Variants in ANKS1A observed in about 807,000 individuals in gnomAD.
ANKS1A encodes the protein ankyrin repeat and SAM domain-containing protein 1A.
Under a neutral mutation model 120.3 loss-of-function variants are expected in ANKS1A, and 55 were observed. The ratio of observed to expected loss-of-function variants is 0.46; its 90% CI spans 0.37 to 0.57. The LOEUF (loss-of-function observed/expected upper bound fraction) is 0.57. ANKS1A is among the 20% of genes least tolerant of loss of function. ANKS1A has a pLI of 0.00. For missense variants in ANKS1A, 1,123 were observed against 1,480.3 expected, an observed-to-expected ratio of 0.76 and a Z score of 3.96; for synonymous variants, 590 against 604.7, an observed-to-expected ratio of 0.98 and a Z score of 0.36.
At position 35,090,254 on chromosome 6, in the gene ANKS1A, C is replaced by T. The variant is rs568283692; in HGVS notation, c.*1645C>T. 140 of 1,289,714 alleles carry T rather than the reference C, an allele frequency of 1.1e-4. No individual in the cohort carries two copies. The African/African-American group carries it at 1.7e-3, about 16-fold the overall frequency. 79.9% of individuals were successfully genotyped at this position (1,289,714 alleles called of 1,614,324 possible). Reference sequence around the variant, plus strand: ...GCCTGTGAGGATGCCCATGAGCTACCGCTGTACAGTTCTCGGCCCCGGCTT... The same window carrying T: ...GCCTGTGAGGATGCCCATGAGCTACTGCTGTACAGTTCTCGGCCCCGGCTT... On this transcript the variant is annotated 3_prime_UTR_variant, in exon 24 of 24. Coordinates refer to ENST00000360359, the MANE Select transcript of ANKS1A (RefSeq NM_015245.3).
intron 1 of ANKS1A, among the ~76,000 whole-genome samples, chr6:34,933,904 A>G (rs545831781): frequency 6.6e-6 from 1 of 152,210 alleles, no homozygotes; most frequent in South Asian, 2.1e-4. Context: ...ACGGCAGTCA[A>G]TAGCTGATAT....
Position 35,082,936 on chromosome 6 carries a change from C to T in ANKS1A, c.2835+120C>T, listed in dbSNP as rs61503262. On this transcript the variant is annotated intron_variant, in intron 18 of 23. Coordinates refer to ENST00000360359, the MANE Select transcript of ANKS1A (RefSeq NM_015245.3). The surrounding 1 kb of genome is among the most constrained non-coding windows in gnomAD (Gnocchi z 4.1). ...AGGCCCAGGGCTTTTGAGCTGTTCT[C>T]CACTCTCAGCCACTCTTGACAGCTA... 7.2e-4 allele frequency: 1,046 copies of T among 1,453,818 alleles called. 8 individuals carry two copies. The African/African-American group carries it at 0.013, about 19-fold the overall frequency. 90.1% of individuals were successfully genotyped at this position (1,453,818 alleles called of 1,614,324 possible).
chr6:34,976,295 C>T (rs147837549), intron 3 of ANKS1A, among the ~76,000 whole-genome samples: 87 of 152,242 alleles, frequency 5.7e-4, no homozygotes, highest in African/African-American at 2.0e-3. Flanking sequence ...TAAGAAGTCT[C>T]AGATGGCTTA....
At chr6:35,014,243 G>T (rs1197888780) in intron 10 of ANKS1A, among the ~76,000 whole-genome samples, 1 of 152,174 alleles carries the variant, frequency 6.6e-6, no homozygotes, top group African/African-American at 2.4e-5. Flanking sequence ...ACCAGCCTTA[G>T]GGTCTTGGAT....
chr6:35,010,182 ATT>A (rs542630603), intron 10 of ANKS1A, among the ~76,000 whole-genome samples: 1 of 150,608 alleles, frequency 6.6e-6, no homozygotes, highest in African/African-American at 2.4e-5. Context: ...AATAATAATA[ATT>A]TTTTTTTTAA....
At chr6:34,997,384 T>C (rs1772911996) in intron 10 of ANKS1A, among the ~76,000 whole-genome samples, 1 of 151,852 alleles carries the variant, frequency 6.6e-6, no homozygotes, top group Non-Finnish European at 1.5e-5. Context: ...TTAGTAGAGA[T>C]GGGGTTTTGC....
intron 13 of ANKS1A, among the ~76,000 whole-genome samples, chr6:35,067,886 A>ATTTTTTT (rs750257307): frequency 9.4e-6 from 1 of 106,894 alleles, no homozygotes; most frequent in Admixed American, 1.0e-4. Flanking sequence ...TTCATTTTCA[A>ATTTTTTT]TTTTTTTTTT....
chr6:35,087,353 G>A (rs923100322), intron 23 of ANKS1A, among the ~76,000 whole-genome samples: 4 of 152,222 alleles, frequency 2.6e-5, no homozygotes, highest in South Asian at 2.1e-4. Context: ...TTGCACCCTG[G>A]AAGCCTCCAC....
At chr6:34,905,397 AG>A (rs1457317509) in intron 1 of ANKS1A, among the ~76,000 whole-genome samples, 1 of 152,248 alleles carries the variant, frequency 6.6e-6, no homozygotes. Flanking sequence ...ATTTGAAGTC[AG>A]TAACTGAGTA....
At chr6:34,917,046 C>T (rs1463417650) in intron 1 of ANKS1A, among the ~76,000 whole-genome samples, 2 of 152,206 alleles carry the variant, frequency 1.3e-5, no homozygotes, top group African/African-American at 4.8e-5. Context: ...TTTAGACACA[C>T]AAGTCCTGGG....
intron 13 of ANKS1A, among the ~76,000 whole-genome samples, chr6:35,073,814 C>T (rs1482021657): frequency 1.3e-5 from 2 of 152,208 alleles, no homozygotes; most frequent in Non-Finnish European, 2.9e-5. Context: ...CCAGTGGTCC[C>T]TTCTCCCTGA....
intron 2 of ANKS1A, among the ~76,000 whole-genome samples, chr6:34,968,770 G>A (rs1190255293): frequency 6.6e-6 from 1 of 152,118 alleles, no homozygotes; most frequent in Non-Finnish European, 1.5e-5. Context: ...GGGATTATTG[G>A]AATCATTTTA....
chr6:35,004,105 C>T (rs1180507504), intron 10 of ANKS1A, among the ~76,000 whole-genome samples: 1 of 152,064 alleles, frequency 6.6e-6, no homozygotes, highest in Non-Finnish European at 1.5e-5. Context: ...GCCCCTGTCA[C>T]GTACCCCTGT....
At chr6:35,051,790 T>C (rs1581702719) in intron 11 of ANKS1A, among the ~76,000 whole-genome samples, 1 of 152,208 alleles carries the variant, frequency 6.6e-6, no homozygotes, top group African/African-American at 2.4e-5. Flanking sequence ...TTTTGAATCA[T>C]GTGAATGTAT....
At chr6:35,070,843 T>C (rs1400214830) in intron 13 of ANKS1A, 4 of 578,356 alleles carry the variant, frequency 6.9e-6, no homozygotes, top group Non-Finnish European at 1.3e-5. Context: ...TGTGTGTGTG[T>C]GTGCGCGCCA....
chr6:35,043,999 T>G (rs896488274), intron 11 of ANKS1A, among the ~76,000 whole-genome samples: 2 of 152,222 alleles, frequency 1.3e-5, no homozygotes, highest in African/African-American at 2.4e-5. Context: ...TTCGAAGTAC[T>G]TACTTGGTTG....
At chr6:35,073,268 C>G (rs1376043078) in intron 13 of ANKS1A, among the ~76,000 whole-genome samples, 1 of 152,182 alleles carries the variant, frequency 6.6e-6, no homozygotes, top group East Asian at 1.9e-4. Context: ...GCTCAGTGAC[C>G]CAGGGGAGCA....
rs137937299 is a variant in ANKS1A, at chr6:34,989,901, AACTCAATC to A, written c.1302+589_1302+596del. Among the ~76,000 whole-genome samples the A allele has an allele frequency of 2.6e-4, 40 of 152,264 alleles. 1 individual carries two copies. Among genetic ancestry groups the A allele is most frequent in the Middle Eastern group, 3.4e-3 (1 of 294 alleles). ...AAGGAAATGTCATCATGAGGCAAATAACTCAATCACTTAGAAGTGTGAAAAAATTGTGT... is the reference window on the plus strand; with the variant it reads ...AAGGAAATGTCATCATGAGGCAAATAACTTAGAAGTGTGAAAAAATTGTGT... On this transcript the variant is annotated intron_variant, in intron 9 of 23. Coordinates refer to ENST00000360359, the MANE Select transcript of ANKS1A (RefSeq NM_015245.3).
chr6:34,899,085 C>G (rs1767227496), intron 1 of ANKS1A, among the ~76,000 whole-genome samples: 1 of 152,160 alleles, frequency 6.6e-6, no homozygotes, highest in African/African-American at 2.4e-5. Context: ...TCAAAATCAA[C>G]AAGAAACATA....
Sources: gnomAD v4.1 joint callset for allele counts (sites outside exome capture counted in the v4.1 genomes callset) on GRCh38, gnomAD v4.1.1 for gene constraint, Gnocchi (gnomAD v3.1) non-coding constraint, MANE v1.5 for transcripts, NCBI Gene and HGNC (gene_info 2026-07-23, HGNC 2026-07-21) for gene names.